TENM2: variants seen among roughly 807,000 people sequenced by gnomAD.
The protein encoded by TENM2 is teneurin transmembrane protein 2.
In TENM2, 52 loss-of-function variants were observed where a neutral mutation model predicts 245.2. The observed-to-expected ratio is 0.21, with a 90% CI of 0.17 to 0.27. TENM2 has a LOEUF of 0.27. Ranked by LOEUF, TENM2 falls within the 10% of genes least tolerant of loss-of-function variation. The probability of loss-of-function intolerance (pLI) is 1.00; values close to 1 mark genes in which losing one functional copy is unlikely to be tolerated. For missense variants in TENM2, 3,046 were observed against 3,666.8 expected (o/e 0.83, Z 4.37); for synonymous variants, 1,363 against 1,438.9 (o/e 0.95, Z 1.19).
At chr5:167,126,997 T>A in the TENM2 span, among the ~76,000 whole-genome samples, 1 of 152,058 alleles carries the variant, frequency 6.6e-6, no homozygotes, top group South Asian at 2.1e-4. Flanking sequence ...TAGAAGTGAA[T>A]TCACAGGTGC....
At chr5:167,193,198 T>C in the TENM2 span, among the ~76,000 whole-genome samples, 2 of 151,974 alleles carry the variant, frequency 1.3e-5, no homozygotes, top group Admixed American at 6.6e-5. Flanking sequence ...TTAAACCCAT[T>C]AAGACTTGTA....
At chr5:167,853,376 G>A (rs1253655688) in intron 2 of TENM2, among the ~76,000 whole-genome samples, 1 of 149,698 alleles carries the variant, frequency 6.7e-6, no homozygotes, top group Non-Finnish European at 1.5e-5. Context: ...GCACTAATGA[G>A]TTTTCAAATC....
At chr5:168,227,821 G>A in intron 24 of TENM2, 74 bp from the exon 27 acceptor site, 1 of 976,386 alleles carries the variant, frequency 1.0e-6, no homozygotes, top group Admixed American at 2.9e-5. Flanking sequence ...AAAAAAATAG[G>A]GGTTCTATTC....
At chr5:168,062,080 A>G in exon 7 of TENM2, 2 of 1,611,974 alleles carry the variant, frequency 1.2e-6, no homozygotes, top group Non-Finnish European at 1.7e-6. Flanking sequence ...GTTGAAAAAC[A>G]GCAGCATAGA....
chr5:167,270,740 C>G, the TENM2 span, among the ~76,000 whole-genome samples: 5 of 152,122 alleles, frequency 3.3e-5, no homozygotes, highest in Admixed American at 2.0e-4. Context: ...GGAGAATGCT[C>G]TAAGACTGCC....
intron 2 of TENM2, among the ~76,000 whole-genome samples, chr5:167,452,510 G>A (rs192203954): frequency 6.6e-6 from 1 of 152,264 alleles, no homozygotes; most frequent in East Asian, 1.9e-4. Context: ...GGATGCCATA[G>A]TTTTCCATTG....
intron 5 of TENM2, among the ~76,000 whole-genome samples, chr5:168,047,000 G>A (rs1788661471): frequency 6.6e-6 from 1 of 152,192 alleles, no homozygotes; most frequent in Non-Finnish European, 1.5e-5. Context: ...TTACTTGTGA[G>A]TGTATAGTTT....
chr5:168,160,427 G>A (rs1757644793), intron 12 of TENM2, among the ~76,000 whole-genome samples: 1 of 152,202 alleles, frequency 6.6e-6, no homozygotes, highest in African/African-American at 2.4e-5. Context: ...CTTTCCAGGT[G>A]TGCAAACACT....
rs1414244500 is a variant in TENM2 at position 168,063,459 on chromosome 5, A to G, written c.1515+1194A>G. 2.0e-5 allele frequency among the ~76,000 whole-genome samples: 3 copies of G among 152,202 alleles called. 1 individual carries two copies. Among genetic ancestry groups the G allele is most frequent in the Admixed American group, 2.0e-4 (3 of 15,262 alleles). ...GAATTGTATATCCTGTGAAAAAACC[A>G]GTGGGTTTTTCCTGCCTTGTATGCC... is the stretch of plus-strand genomic sequence containing the variant. On this transcript the variant is annotated intron_variant, in intron 7 of 28. Coordinates refer to ENST00000518659, the Ensembl canonical transcript of TENM2.
intron 25 of TENM2, among the ~76,000 whole-genome samples, chr5:168,241,469 C>A (rs1043539095): frequency 2.0e-5 from 3 of 150,402 alleles, no homozygotes; most frequent in African/African-American, 7.4e-5. Context: ...ACCATGTTGG[C>A]CAGGCTGGTC....
intron 2 of TENM2, among the ~76,000 whole-genome samples, chr5:167,590,900 C>T (rs1001998847): frequency 5.9e-5 from 9 of 152,200 alleles, no homozygotes; most frequent in African/African-American, 2.2e-4. Flanking sequence ...TCTCCCACAT[C>T]TACTTTCTTC....
the TENM2 span, among the ~76,000 whole-genome samples, chr5:167,005,285 T>TA: frequency 5.3e-5 from 8 of 152,178 alleles, no homozygotes; most frequent in African/African-American, 1.9e-4. Context: ...AAAAAATGTA[T>TA]AAAAGGTTTG....
intron 9 of TENM2, among the ~76,000 whole-genome samples, chr5:168,111,101 G>A (rs1385723546): frequency 1.3e-5 from 2 of 152,036 alleles, no homozygotes; most frequent in Non-Finnish European, 2.9e-5. Context: ...AATTCACCCC[G>A]GATTAATTAA....
At chr5:167,697,851 T>G (rs971180643) in intron 2 of TENM2, among the ~76,000 whole-genome samples, 1 of 152,176 alleles carries the variant, frequency 6.6e-6, no homozygotes, top group Admixed American at 6.5e-5. Flanking sequence ...AAGTCAAATT[T>G]ATATTTCATA....
chr5:167,462,845 T>C (rs1282378113), intron 2 of TENM2, among the ~76,000 whole-genome samples: 1 of 151,980 alleles, frequency 6.6e-6, no homozygotes, highest in Non-Finnish European at 1.5e-5. Context: ...GAGCTGCCAG[T>C]TTCCAGGCTG....
At chr5:166,987,699 C>A in the TENM2 span, among the ~76,000 whole-genome samples, 4 of 152,048 alleles carry the variant, frequency 2.6e-5, no homozygotes, top group African/African-American at 7.3e-5. Flanking sequence ...TTAGGATGTG[C>A]CGGTTGCCTG....
chr5:167,581,560 TATTC>T (rs1377058004), intron 2 of TENM2, among the ~76,000 whole-genome samples: 1 of 152,212 alleles, frequency 6.6e-6, no homozygotes, highest in East Asian at 1.9e-4. Context: ...TTCCTCTTAG[TATTC>T]GTATTTGTGT....
At chr5:168,126,625 C>A in intron 11 of TENM2, 129 bp from the exon 14 acceptor site, 1 of 668,792 alleles carries the variant, frequency 1.5e-6, no homozygotes. Flanking sequence ...GAGAGACAAG[C>A]CTCCAAAGAT....
At chr5:168,240,186 C>T (rs1159068511) in intron 25 of TENM2, among the ~76,000 whole-genome samples, 5 of 152,362 alleles carry the variant, frequency 3.3e-5, no homozygotes, top group African/African-American at 1.2e-4. Flanking sequence ...TGCCACTGCA[C>T]TCCAGCCTGG....
Sources: gnomAD v4.1 joint callset for allele counts (sites outside exome capture counted in the v4.1 genomes callset) on GRCh38, gnomAD v4.1.1 for gene constraint, MANE v1.5 for transcripts, NCBI Gene and HGNC (gene_info 2026-07-23, HGNC 2026-07-21) for gene names.